PECR: variants seen among roughly 807,000 people sequenced by gnomAD.
PECR encodes the protein 2,4-dienoyl-CoA reductase-related protein.
Under a neutral mutation model 35.3 loss-of-function variants are expected in PECR, and 30 were observed. The observed-to-expected ratio is 0.85, with a 90% CI of 0.64 to 1.15. The LOEUF (loss-of-function observed/expected upper bound fraction) is 1.15. Ranked by LOEUF, PECR falls within the 50% of genes most tolerant of loss-of-function variation. PECR has a pLI of 0.00. For missense variants in PECR, 392 were observed against 370.8 expected, an observed-to-expected ratio of 1.06 and a Z score of -0.47; for synonymous variants, 148 against 138.9, an observed-to-expected ratio of 1.07 and a Z score of -0.46.
At chr2:216,053,117 G>T (rs1425330340) in intron 4 of PECR, among the ~76,000 whole-genome samples, 1 of 152,146 alleles carries the variant, frequency 6.6e-6, no homozygotes, top group Non-Finnish European at 1.5e-5. Context: ...GCCTCCCAAA[G>T]TGCTGGGATT....
At chr2:216,065,646 C>T (rs1320856606) in intron 2 of PECR, among the ~76,000 whole-genome samples, 169 bp from the exon 3 acceptor site, 1 of 152,196 alleles carries the variant, frequency 6.6e-6, no homozygotes, top group Non-Finnish European at 1.5e-5. Context: ...AAATCCTACA[C>T]CAATGAGTAA....
intron 7 of PECR, among the ~76,000 whole-genome samples, chr2:216,031,430 AAAG>A (rs566793195): frequency 1.3e-3 from 29 of 22,560 alleles, no homozygotes; most frequent in African/African-American, 1.7e-3. Flanking sequence ...GAAAGAAAGA[AAAG>A]AAAGAAAGAA....
chr2:216,077,437 G>GC lies in PECR; in HGVS notation c.124+4180dup, dbSNP rs1695731819. On this transcript the variant is annotated intron_variant, in intron 1 of 7. Transcript: ENST00000265322. ...CAGGAGAATGGCTTGAACCCGGGAG[G>GC]CGGAGCTTGCAGTGAGCCAAGATCG... Among the ~76,000 whole-genome samples, 3 of 152,092 alleles carry GC rather than the reference G, an allele frequency of 2.0e-5. No individual in the cohort carries two copies. In the East Asian group the frequency reaches 5.8e-4, roughly 30 times the overall value.
At chr2:216,045,570 TAAGTTTA>T (rs368348070) in intron 6 of PECR, among the ~76,000 whole-genome samples, 13 of 152,356 alleles carry the variant, frequency 8.5e-5, no homozygotes, top group African/African-American at 2.9e-4. Context: ...TGGCTCCTGG[TAAGTTTA>T]AAATTACAAA....
At chr2:216,052,218 T>C (rs532683465) in intron 4 of PECR, among the ~76,000 whole-genome samples, 6 of 152,170 alleles carry the variant, frequency 3.9e-5, no homozygotes, top group South Asian at 2.1e-4. Flanking sequence ...CTTGTGTAGA[T>C]AGACACCATG....
chr2:216,049,853 A>C (rs1695069837), intron 5 of PECR, among the ~76,000 whole-genome samples: 1 of 152,198 alleles, frequency 6.6e-6, no homozygotes, highest in African/African-American at 2.4e-5. Context: ...CAATAAACTA[A>C]ATTTTTCATT....
chr2:216,076,254 G>C (rs544428409), intron 1 of PECR, among the ~76,000 whole-genome samples: 2 of 152,116 alleles, frequency 1.3e-5, no homozygotes, highest in African/African-American at 4.8e-5. Flanking sequence ...TTGCAGTGGC[G>C]TGATCTCGGC....
In PECR at chr2:216,048,682, C is replaced by G. The variant is rs575238510; in HGVS notation, c.714+581G>C. Among the ~76,000 whole-genome samples, 101 of 151,918 alleles carry G rather than the reference C, an allele frequency of 6.6e-4. 1 individual carries two copies. The highest frequency in any genetic ancestry group is 6.8e-3 in the Middle Eastern group (2 of 294). On this transcript the variant is annotated intron_variant, in intron 6 of 7. Coordinates refer to ENST00000265322, the MANE Select transcript of PECR (RefSeq NM_018441.6). ...CCAAGATCGCGCCACTGCACTCCAG[C>G]CTGGGCAACAAAGAGACTCTGTCAA...
chr2:216,059,416 T>A (rs11886390), intron 3 of PECR, among the ~76,000 whole-genome samples: 17,753 of 152,162 alleles, frequency 0.12, 1,491 homozygotes, highest in South Asian at 0.22. Flanking sequence ...CACGTTGTAA[T>A]GTGTTAATAG....
chr2:216,054,130 CA>C (rs1445234289), intron 4 of PECR, among the ~76,000 whole-genome samples: 1 of 151,506 alleles, frequency 6.6e-6, no homozygotes, highest in Non-Finnish European at 1.5e-5. Context: ...ACTAAAAATA[CA>C]AAAATTTTAG....
chr2:216,056,469 C>T (rs1044335014), intron 4 of PECR, among the ~76,000 whole-genome samples: 1 of 151,874 alleles, frequency 6.6e-6, no homozygotes, highest in African/African-American at 2.4e-5. Context: ...GCCTGTAATC[C>T]CAGCACTTTG....
chr2:216,043,037 GTGTA>G (rs1352760043), intron 7 of PECR, among the ~76,000 whole-genome samples: 3 of 32,158 alleles, frequency 9.3e-5, no homozygotes, highest in South Asian at 1.4e-3. Context: ...ATATATGTAT[GTGTA>G]TATATATATA....
chr2:216,042,540 T>C (rs1694905431), intron 7 of PECR, among the ~76,000 whole-genome samples: 1 of 152,188 alleles, frequency 6.6e-6, no homozygotes, highest in South Asian at 2.1e-4. Context: ...TTGCATTTTA[T>C]ACCCTTTACT....
At chr2:216,037,728 G>A (rs1694817228), downstream of PECR, among the ~76,000 whole-genome samples, 1 of 152,068 alleles carries the variant, frequency 6.6e-6, no homozygotes, top group Admixed American at 6.5e-5. Flanking sequence ...TTGGGAGCAT[G>A]AGAAAGCTGC....
Position 216,066,408 on chromosome 2 carries a change from A to G in PECR, c.235T>C (p.Cys79Arg), listed in dbSNP as rs774505765. 3 of 1,613,182 alleles carry G rather than the reference A, an allele frequency of 1.9e-6. No homozygotes were observed. The highest frequency in any genetic ancestry group is 1.1e-5 in the South Asian group (1 of 91,070). Residue 79 changes from cysteine (C) to arginine (R), a missense_variant, in exon 2 of 8, where the codon TGC becomes CGC. By Grantham distance (180) the Cys-to-Arg change is radical. Transcript: ENST00000265322. The stretch of plus-strand genomic sequence containing the variant: ...ACCTCCTCCTCATTCCGGATGTTGC[A>G]TTGTATGGGAATGACTCGTGCCTGC... Reference protein sequence around the residue: ...TKQARVIPIQCNIRNEEEVNN... With the variant: ...TKQARVIPIQRNIRNEEEVNN...
At chr2:216,072,071 C>T (rs537791084) in intron 1 of PECR, among the ~76,000 whole-genome samples, 1 of 152,300 alleles carries the variant, frequency 6.6e-6, no homozygotes, top group East Asian at 1.9e-4. Context: ...CACTGTGTTG[C>T]CCAGGCTGGA....
At chr2:216,054,106 GA>G (rs1695176913) in intron 4 of PECR, among the ~76,000 whole-genome samples, 1 of 151,866 alleles carries the variant, frequency 6.6e-6, no homozygotes, top group African/African-American at 2.4e-5. Flanking sequence ...CCAACATGGT[GA>G]AACCCCGTTT....
In PECR at chr2:216,044,023, C is replaced by T. The variant is rs779542206; in HGVS notation, c.715-8G>A. 5 of 1,449,098 alleles carry T rather than the reference C, an allele frequency of 3.5e-6. No individual in the cohort carries two copies. Among genetic ancestry groups the T allele is most frequent in the Non-Finnish European group, 4.9e-6 (5 of 1,029,300 alleles). 89.8% of individuals were successfully genotyped at this position (1,449,098 alleles called of 1,614,324 possible). A position where few individuals can be genotyped will look rare whatever the true frequency, so the allele number is the denominator to read the frequency against. On this transcript the variant is annotated splice_region_variant and splice_polypyrimidine_tract_variant and intron_variant, in intron 6 of 7. Coordinates refer to ENST00000265322, the MANE Select transcript of PECR (RefSeq NM_018441.6). ...GCAGACCACAGAGGAGACCTGGAAA[C>T]AGAAACACACATGTGCATAGGTAAA...
chr2:216,063,640 T>A (rs1695405088), intron 3 of PECR, among the ~76,000 whole-genome samples: 1 of 151,808 alleles, frequency 6.6e-6, no homozygotes, highest in African/African-American at 2.4e-5. Context: ...AAGAAAAATA[T>A]AACTTATGAA....
Sources: gnomAD v4.1 joint callset for allele counts (sites outside exome capture counted in the v4.1 genomes callset) on GRCh38, gnomAD v4.1.1 for gene constraint, MANE v1.5 for transcripts, NCBI Gene and HGNC (gene_info 2026-07-23, HGNC 2026-07-21) for gene names.